Variants in SMURF1 observed in about 807,000 individuals in gnomAD.
The protein encoded by SMURF1 is E3 ubiquitin-protein ligase SMURF1.
A neutral mutation model predicts 98.0 loss-of-function variants in SMURF1; 44 were observed. The observed-to-expected ratio is 0.45, with a 90% CI of 0.35 to 0.58. The LOEUF is 0.58. Among genes scored for constraint, SMURF1 ranks in the 20% least tolerant of loss-of-function variants. The pLI is 0.00. For missense variants in SMURF1, 687 were observed against 938.4 expected (o/e 0.73, Z 3.50); for synonymous variants, 396 against 374.9 (o/e 1.06, Z -0.65).
intron 1 of SMURF1, among the ~76,000 whole-genome samples, chr7:99,125,590 C>A (rs1797727394): frequency 6.6e-6 from 1 of 152,170 alleles, no homozygotes; most frequent in Non-Finnish European, 1.5e-5. Flanking sequence ...GGTTCCTTCC[C>A]AAGTAGCACA....
chr7:99,053,864 T>TC, intron 6 of SMURF1, among the ~76,000 whole-genome samples: 1 of 152,054 alleles, frequency 6.6e-6, no homozygotes, highest in East Asian at 1.9e-4. Context: ...GTTGAGTTCC[T>TC]CCCCCCGTCA....
Position 99,067,915 on chromosome 7 carries a change from C to G in SMURF1, c.56-6078G>C, listed in dbSNP as rs556447822. On this transcript the variant is annotated intron_variant, in intron 1 of 17. Transcript: ENST00000361368. ...GTTGCAGTGAGCCAAGATCACGCCACTGCACTCCAGCCTGGGCGACAGAAC... is the reference window on the plus strand; with the variant it reads ...GTTGCAGTGAGCCAAGATCACGCCAGTGCACTCCAGCCTGGGCGACAGAAC... Among the ~76,000 whole-genome samples, 8 of 152,292 alleles carry G rather than the reference C, an allele frequency of 5.3e-5. No homozygotes were observed. In the South Asian group the frequency reaches 1.7e-3, roughly 32 times the overall value.
chr7:99,109,291 A>G (rs1797269704), intron 1 of SMURF1, among the ~76,000 whole-genome samples: 1 of 152,194 alleles, frequency 6.6e-6, no homozygotes, highest in Non-Finnish European at 1.5e-5. Flanking sequence ...AGACACCGGC[A>G]AGCCGCAGGG....
intron 1 of SMURF1, among the ~76,000 whole-genome samples, chr7:99,132,967 C>T (rs1333661360): frequency 6.6e-6 from 1 of 152,018 alleles, no homozygotes; most frequent in Admixed American, 6.6e-5. Flanking sequence ...TTGCCAGGGT[C>T]CCAGGGACTG....
intron 1 of SMURF1, among the ~76,000 whole-genome samples, chr7:99,130,448 C>A (rs377057811): frequency 6.6e-6 from 1 of 152,026 alleles, no homozygotes; most frequent in Non-Finnish European, 1.5e-5. Flanking sequence ...AGTGAAACTC[C>A]GTCTCCAAAA....
intron 5 of SMURF1, 138 bp downstream of exon 5, chr7:99,057,067 T>C: frequency 2.7e-6 from 2 of 750,136 alleles, no homozygotes; most frequent in South Asian, 1.7e-5. Context: ...TTCCTAGTAC[T>C]GAAGAGAAGG....
At chr7:99,104,963 G>A (rs1206727621) in intron 1 of SMURF1, among the ~76,000 whole-genome samples, 2 of 152,186 alleles carry the variant, frequency 1.3e-5, no homozygotes, top group East Asian at 3.8e-4. Context: ...GCTCCTAGCA[G>A]CCTTCCAATT....
chr7:99,123,253 A>G (rs1292345904), intron 1 of SMURF1, among the ~76,000 whole-genome samples: 1 of 152,202 alleles, frequency 6.6e-6, no homozygotes, highest in Non-Finnish European at 1.5e-5. Context: ...AATAAATATT[A>G]TGGCCAGGGC....
chr7:99,075,303 G>T (rs1032573257), intron 1 of SMURF1, among the ~76,000 whole-genome samples: 1 of 151,986 alleles, frequency 6.6e-6, no homozygotes, highest in African/African-American at 2.4e-5. Flanking sequence ...TTAATTTTTT[G>T]TACAGCTGGA....
intron 1 of SMURF1, among the ~76,000 whole-genome samples, chr7:99,094,733 T>C (rs151332883): frequency 9.7e-4 from 147 of 151,966 alleles, no homozygotes; most frequent in African/African-American, 3.5e-3. Context: ...AACCACCCTA[T>C]AATGACATTA....
chr7:99,092,161 T>C (rs911130941), intron 1 of SMURF1, among the ~76,000 whole-genome samples: 1 of 152,230 alleles, frequency 6.6e-6, no homozygotes, highest in Non-Finnish European at 1.5e-5. Context: ...GTCTTAATAA[T>C]TACTACTAAC....
chr7:99,040,125 G>A (rs1191209484), intron 13 of SMURF1, among the ~76,000 whole-genome samples: 1 of 152,122 alleles, frequency 6.6e-6, no homozygotes, highest in African/African-American at 2.4e-5. Flanking sequence ...TAGATCTGGT[G>A]GGTTTTTTTG....
chr7:99,121,735 G>A (rs1797627454), intron 1 of SMURF1, among the ~76,000 whole-genome samples: 1 of 152,194 alleles, frequency 6.6e-6, no homozygotes, highest in Non-Finnish European at 1.5e-5. Flanking sequence ...CGATTTGGCG[G>A]TTTTTAAATT....
chr7:99,035,559 G>A lies in SMURF1; in HGVS notation c.1967C>T (p.Thr656Ile). 6.2e-7 allele frequency: 1 copy of A among 1,614,232 alleles called. No homozygotes were observed. The highest frequency in any genetic ancestry group is 8.5e-7 in the Non-Finnish European group (1 of 1,180,048). ...ERRARLLQFV[T>I]GSTRVPLQGF... Reference sequence around the variant, plus strand: ...TTGGAGCGGGACTCGCGTGGACCCAGTCACAAACTGCAGGAGCCTGGCCCT... The same window carrying A: ...TTGGAGCGGGACTCGCGTGGACCCAATCACAAACTGCAGGAGCCTGGCCCT... Residue 656 changes from threonine (T) to isoleucine (I), a missense_variant, in exon 16 of 18, where the codon ACT (threonine) becomes ATT (isoleucine). By Grantham distance (89) the Thr-to-Ile change is moderately conservative. Transcript: ENST00000361368.
At chr7:99,041,161 GGAGGCT>G (rs796455662) in intron 12 of SMURF1, among the ~76,000 whole-genome samples, 12 of 152,304 alleles carry the variant, frequency 7.9e-5, no homozygotes, top group African/African-American at 2.9e-4. Context: ...CAACACTTTG[GGAGGCT>G]GAGGCAGGCA....
At chr7:99,062,097 C>CTT (rs1013163853) in intron 1 of SMURF1, among the ~76,000 whole-genome samples, 6 of 145,290 alleles carry the variant, frequency 4.1e-5, no homozygotes, top group East Asian at 2.0e-4. Context: ...GATCAATATA[C>CTT]TTTTTTTTTT....
intron 5 of SMURF1, among the ~76,000 whole-genome samples, chr7:99,056,135 C>T (rs987388604): frequency 2.0e-5 from 3 of 152,198 alleles, no homozygotes; most frequent in South Asian, 4.1e-4. Context: ...AGAAATTACA[C>T]GCAGGAAAGC....
chr7:99,039,631 G>T (rs978220934), intron 13 of SMURF1, among the ~76,000 whole-genome samples: 1 of 152,180 alleles, frequency 6.6e-6, no homozygotes, highest in Non-Finnish European at 1.5e-5. Context: ...GCCCCACAAA[G>T]TGCTGGGATA....
At chr7:99,058,407 G>T (rs892431620) in intron 3 of SMURF1, among the ~76,000 whole-genome samples, 3 of 152,168 alleles carry the variant, frequency 2.0e-5, no homozygotes, top group African/African-American at 7.2e-5. Flanking sequence ...TTAGATTACA[G>T]GTGTGAGCCA....
Sources: allele counts gnomAD v4.1 joint callset (sites outside exome capture counted in the v4.1 genomes callset), GRCh38; gene constraint gnomAD v4.1.1; transcripts MANE v1.5; gene names NCBI Gene and HGNC (gene_info 2026-07-23, HGNC 2026-07-21).